The following EIF2AK4 variants were observed in gnomAD, a reference collection of about 807,000 sequenced individuals.
EIF2AK4 encodes eIF-2-alpha kinase GCN2.
A neutral mutation model predicts 211.1 loss-of-function variants in EIF2AK4; 139 were observed. The ratio of observed to expected loss-of-function variants is 0.66; its 90% CI spans 0.57 to 0.76. The LOEUF is 0.76. Among genes scored for constraint, EIF2AK4 ranks in the 30% least tolerant of loss-of-function variants. EIF2AK4 has a pLI of 0.00. For missense variants in EIF2AK4, 1,664 were observed against 2,043.8 expected, an observed-to-expected ratio of 0.81 and a Z score of 3.58; for synonymous variants, 710 against 751.3, an observed-to-expected ratio of 0.94 and a Z score of 0.90.
intron 13 of EIF2AK4, among the ~76,000 whole-genome samples, chr15:39,984,895 A>G (rs562749898): frequency 6.6e-6 from 1 of 152,320 alleles, no homozygotes; most frequent in African/African-American, 2.4e-5. Context: ...TATGTTGAAT[A>G]GGAGTGGTGA....
chr15:39,983,630 A>T (rs896318774), intron 13 of EIF2AK4, among the ~76,000 whole-genome samples: 1 of 152,138 alleles, frequency 6.6e-6, no homozygotes, highest in Non-Finnish European at 1.5e-5. Flanking sequence ...TTGGTAGAGA[A>T]GGGGTTTCTC....
At chr15:40,028,107 C>CT (rs1404388790) in intron 33 of EIF2AK4, among the ~76,000 whole-genome samples, 18 of 148,730 alleles carry the variant, frequency 1.2e-4, no homozygotes, top group South Asian at 2.1e-4. Flanking sequence ...TAGAGTCTCA[C>CT]TTTTGCCGAG....
chr15:39,985,873 C>T lies in EIF2AK4; in HGVS notation c.2388C>T (p.His796=), dbSNP rs1227133292. Residue 796 remains histidine (H), a synonymous_variant, in exon 14 of 39, where the codon CAC becomes CAT. Coordinates refer to ENST00000263791, the MANE Select transcript of EIF2AK4 (RefSeq NM_001013703.4). The part of the protein sequence containing the change: ...SEPSVTTEAV[H]YLYIQMEYCE... Reference sequence around the variant, plus strand: ...CATCAGTGACGACTGAGGCTGTGCACTACCTATACATCCAGGTGAGGTCGT... The same window carrying T: ...CATCAGTGACGACTGAGGCTGTGCATTACCTATACATCCAGGTGAGGTCGT... 12 of 1,613,960 alleles carry T rather than the reference C, an allele frequency of 7.4e-6. No individual in the cohort carries two copies. Among genetic ancestry groups the T allele is most frequent in the Non-Finnish European group, 1.0e-5 (12 of 1,179,986 alleles).
At chr15:40,022,181 CGT>C (rs142104639) in intron 31 of EIF2AK4, 213 of 137,730 alleles carry the variant, frequency 1.5e-3, no homozygotes, top group East Asian at 8.8e-3. Context: ...GCTTTTTCAG[CGT>C]GTGTGTGTGT....
chr15:40,022,273 TCTTA>T lies in EIF2AK4; in HGVS notation c.4303-243_4303-240del, dbSNP rs200365861. ...TTAAGTCTTGAAGCTTTTGAAAACCTCTTACTATTGATTGATTATTCATGGCCCT... is the reference window on the plus strand; with the variant it reads ...TTAAGTCTTGAAGCTTTTGAAAACCTCTATTGATTGATTATTCATGGCCCT... On this transcript the variant is annotated intron_variant, in intron 31 of 38. Transcript: ENST00000263791. The T allele has an allele frequency of 0.022, 8,521 of 388,902 alleles. 182 individuals are homozygous for T. Among genetic ancestry groups the T allele is most frequent in the Admixed American group, 0.063 (1,438 of 22,790 alleles). 24.1% of individuals were successfully genotyped at this position (388,902 alleles called of 1,614,324 possible). A position where few individuals can be genotyped will look rare whatever the true frequency, so the allele number is the denominator to read the frequency against.
chr15:39,961,105 G>GA (rs1000249058), intron 6 of EIF2AK4, among the ~76,000 whole-genome samples: 1 of 151,938 alleles, frequency 6.6e-6, no homozygotes, highest in African/African-American at 2.4e-5. Context: ...GCTCCCACCA[G>GA]AAAAAAAGTA....
intron 33 of EIF2AK4, 88 bp from the exon 34 acceptor site, chr15:40,029,318 G>A: frequency 6.9e-7 from 1 of 1,439,726 alleles, no homozygotes; most frequent in South Asian, 1.6e-5. Flanking sequence ...TGGAAAAGTG[G>A]CTCACTATAC....
At chr15:40,009,819 G>T in intron 26 of EIF2AK4, 89 bp downstream of exon 26, 1 of 980,020 alleles carries the variant, frequency 1.0e-6, no homozygotes, top group Non-Finnish European at 1.6e-6. Context: ...TCTTACCCAT[G>T]CAGCCATGAA....
intron 3 of EIF2AK4, chr15:39,946,714 C>A: frequency 1.4e-6 from 1 of 697,034 alleles, no homozygotes; most frequent in Admixed American, 2.0e-5. Context: ...GATGCAGCAA[C>A]TTCATTGTTG....
rs763329090 is a variant in EIF2AK4 at position 39,990,328 on chromosome 15, A to G, written c.2582A>G (p.His861Arg). ...PVNIFLDSDD[H>R]VKIGDFGLAT... ...AACATTTTTTTGGATTCTGATGACCATGTGAAAATAGGTGATTTTGGTTTG... is the reference window on the plus strand; with the variant it reads ...AACATTTTTTTGGATTCTGATGACCGTGTGAAAATAGGTGATTTTGGTTTG... The change falls in exon 16 of 39, where the codon CAT (histidine) becomes CGT (arginine). Residue 861 changes from histidine to arginine, a missense_variant. His to Arg is a conservative substitution (Grantham distance 29). Around this residue, in one of 7 missense-constraint regions of EIF2AK4, gnomAD observed 622 missense variants for 796.8 expected, o/e 0.78. Coordinates refer to ENST00000263791, the MANE Select transcript of EIF2AK4 (RefSeq NM_001013703.4). The G allele has an allele frequency of 6.2e-5, 100 of 1,614,226 alleles. No homozygotes were observed. The highest frequency in any genetic ancestry group is 7.8e-5 in the Non-Finnish European group (92 of 1,180,034).
In EIF2AK4 at chr15:39,988,136, C is replaced by T. The variant is rs1193806048; in HGVS notation, c.2526+31C>T. Reference sequence around the variant, plus strand: ...CTTTACAACATTTCATATCTGAAGACTTATGTTTACATAAATTTATGACTG... The same window carrying T: ...CTTTACAACATTTCATATCTGAAGATTTATGTTTACATAAATTTATGACTG... On this transcript the variant is annotated intron_variant, in intron 15 of 38. Coordinates refer to ENST00000263791, the MANE Select transcript of EIF2AK4 (RefSeq NM_001013703.4). 6.2e-6 allele frequency: 10 copies of T among 1,606,706 alleles called. No homozygotes were observed. In the East Asian group the frequency reaches 2.0e-4, roughly 32 times the overall value.
chr15:39,960,214 A>G (rs895526098), intron 6 of EIF2AK4, among the ~76,000 whole-genome samples: 2 of 151,952 alleles, frequency 1.3e-5, no homozygotes, highest in African/African-American at 4.8e-5. Context: ...GGTGTAAGAT[A>G]TGAGTATCAT....
rs931348106 is a variant in EIF2AK4 at position 40,001,132 on chromosome 15, G to C, written c.3067G>C (p.Asp1023His). ...GCTGCACCACACGCTGACCAACGTGGATGGGAAGGCCTACCGCACCATGAT... is the reference window on the plus strand; with the variant it reads ...GCTGCACCACACGCTGACCAACGTGCATGGGAAGGCCTACCGCACCATGAT... ...EVLHHTLTNVDGKAYRTMMAQ... is the reference protein window; with the variant it reads ...EVLHHTLTNVHGKAYRTMMAQ... Residue 1023 changes from aspartate to histidine, a missense_variant, in exon 21 of 39, where the codon GAT becomes CAT. This residue lies in a region of EIF2AK4 where 622 missense variants were observed against 796.8 expected (regional missense o/e 0.78). Transcript: ENST00000263791. 4.3e-6 allele frequency: 7 copies of C among 1,614,164 alleles called. No homozygotes were observed. The highest frequency in any genetic ancestry group is 5.9e-6 in the Non-Finnish European group (7 of 1,180,020).
intron 6 of EIF2AK4, among the ~76,000 whole-genome samples, chr15:39,958,043 C>T (rs1289748236): frequency 1.3e-5 from 2 of 152,118 alleles, no homozygotes; most frequent in African/African-American, 4.8e-5. Context: ...TCTTTTCCCA[C>T]CTTGAAGGAT....
chr15:40,001,434 C>T (rs2035089537), intron 21 of EIF2AK4, among the ~76,000 whole-genome samples: 1 of 152,052 alleles, frequency 6.6e-6, no homozygotes, highest in Non-Finnish European at 1.5e-5. Context: ...CTTGACCTTT[C>T]CTCCTCCCTA....
chr15:39,976,014 T>TA (rs908292370), intron 11 of EIF2AK4, among the ~76,000 whole-genome samples: 17 of 151,596 alleles, frequency 1.1e-4, no homozygotes, highest in African/African-American at 2.4e-4. Context: ...ACTTTAAGTG[T>TA]AAAAAAAAAT....
chr15:39,958,893 C>T (rs924593488), intron 6 of EIF2AK4, among the ~76,000 whole-genome samples: 1 of 151,960 alleles, frequency 6.6e-6, no homozygotes, highest in Non-Finnish European at 1.5e-5. Flanking sequence ...TCTCTTCTTG[C>T]CACTTGGCTT....
rs587777107 is a variant in EIF2AK4, at chr15:39,967,713, C to T, written c.1387C>T (p.Arg463Ter). ...CAAGGAGGATGTGTTTGAGCAAACC[C>T]GAGTTCGTTTTAGTGACAATGCTCT... ...ICKEDVFEQTRVRFSDNALPY... is the reference protein window; with the variant it reads ...ICKEDVFEQT The change falls in exon 9 of 39, where the codon CGA (arginine) becomes TGA (stop). Residue 463 changes from arginine to a stop codon, truncating the protein, a stop_gained. Transcript: ENST00000263791. LOFTEE classifies it high-confidence loss of function. The T allele has an allele frequency of 1.5e-5, 24 of 1,614,088 alleles. No homozygotes were observed. The highest frequency in any genetic ancestry group is 1.9e-5 in the Non-Finnish European group (22 of 1,180,010).
At chr15:40,006,139 T>A (rs939170553) in intron 23 of EIF2AK4, among the ~76,000 whole-genome samples, 1 of 152,204 alleles carries the variant, frequency 6.6e-6, no homozygotes, top group African/African-American at 2.4e-5. Flanking sequence ...AATCTTTTTT[T>A]AAATGTATGT....
Sources: allele counts gnomAD v4.1 joint callset (sites outside exome capture counted in the v4.1 genomes callset), GRCh38; gene constraint gnomAD v4.1.1; regional missense constraint gnomAD v4.1.1; transcripts MANE v1.5; gene names NCBI Gene and HGNC (gene_info 2026-07-23, HGNC 2026-07-21).